The following SPATA17 variants were observed in gnomAD, a reference collection of about 807,000 sequenced individuals.
SPATA17 encodes the protein spermatogenesis associated 17, also known as spermatogenesis-associated protein 17.
SPATA17 carries 53 observed loss-of-function variants against 62.2 expected under a neutral mutation model. The observed-to-expected ratio is 0.85, with a 90% CI of 0.68 to 1.07. The LOEUF (loss-of-function observed/expected upper bound fraction) is 1.07. SPATA17 is among the 50% of genes least tolerant of loss of function. SPATA17 has a pLI of 0.00. For missense variants in SPATA17, 466 were observed against 425.5 expected (o/e 1.10, Z -0.84); for synonymous variants, 146 against 146.8 (o/e 0.99, Z 0.04).
rs1272282730 is a variant in SPATA17, at chr1:217,742,110, T to C, written c.519+12T>C. The C allele has an allele frequency of 4.9e-5, 79 of 1,613,534 alleles. No individual in the cohort carries two copies. The highest frequency in any genetic ancestry group is 6.4e-5 in the Non-Finnish European group (76 of 1,179,738). On this transcript the variant is annotated intron_variant, in intron 6 of 10. Coordinates refer to ENST00000366933, the MANE Select transcript of SPATA17 (RefSeq NM_138796.4). The stretch of plus-strand genomic sequence containing the variant: ...TCAGCACAAAGCAGGTTGGTTTACC[T>C]GTCCCTGACAGCTCCTGTAAGCCAC...
In SPATA17 at chr1:217,839,970, G is replaced by A. The variant is rs373235370; in HGVS notation, c.1006-22804G>A. On this transcript the variant is annotated intron_variant, in intron 9 of 10. Transcript: ENST00000366933. The stretch of plus-strand genomic sequence containing the variant: ...AGTTGCTCTGCAATAAACCTGAAGT[G>A]CAACTCGGAAAATCGTGTTTAAAGG... Among the ~76,000 whole-genome samples the A allele has an allele frequency of 2.0e-4, 31 of 151,718 alleles. No individual in the cohort carries two copies. In the East Asian group the frequency reaches 3.3e-3, roughly 16 times the overall value.
intron 5 of SPATA17, among the ~76,000 whole-genome samples, chr1:217,707,389 C>T (rs892614230): frequency 2.0e-5 from 3 of 152,056 alleles, no homozygotes; most frequent in Admixed American, 2.0e-4. Context: ...AGTTTGAGTT[C>T]CTCTCTTCCT....
At chr1:217,679,404 A>G (rs182952352) in intron 4 of SPATA17, among the ~76,000 whole-genome samples, 32 of 152,276 alleles carry the variant, frequency 2.1e-4, no homozygotes, top group African/African-American at 7.0e-4. Context: ...TGAGAATAAA[A>G]GCAGTTAGCA....
chr1:217,758,983 G>C (rs781666975), intron 6 of SPATA17, among the ~76,000 whole-genome samples: 2 of 152,164 alleles, frequency 1.3e-5, no homozygotes, highest in Non-Finnish European at 2.9e-5. Context: ...AAAGAACTAT[G>C]AGGCTATAAT....
At chr1:217,635,316 A>G (rs1192537338) in intron 1 of SPATA17, among the ~76,000 whole-genome samples, 1 of 152,228 alleles carries the variant, frequency 6.6e-6, no homozygotes, top group African/African-American at 2.4e-5. Flanking sequence ...TTGCTTTTAT[A>G]CATATGTATT....
intron 5 of SPATA17, among the ~76,000 whole-genome samples, chr1:217,736,910 T>A (rs1442963845): frequency 6.6e-6 from 1 of 152,184 alleles, no homozygotes; most frequent in Non-Finnish European, 1.5e-5. Flanking sequence ...CTGGTTATGA[T>A]CTTACGATCT....
intron 4 of SPATA17, among the ~76,000 whole-genome samples, chr1:217,672,687 C>T (rs1232243400): frequency 6.6e-6 from 1 of 151,964 alleles, no homozygotes; most frequent in Admixed American, 6.6e-5. Context: ...TATTAATATC[C>T]TGATTTGCTG....
At position 217,825,197 on chromosome 1, in the gene SPATA17, A is replaced by G. The variant is rs1220868443; in HGVS notation, c.1005+23347A>G. On this transcript the variant is annotated intron_variant, in intron 9 of 10. Transcript: ENST00000366933. ...AAAGAAATCATTTAAAAAATTCAGGATAGTGGCTGTCTCTAATTAAGAACA... is the reference window on the plus strand; with the variant it reads ...AAAGAAATCATTTAAAAAATTCAGGGTAGTGGCTGTCTCTAATTAAGAACA... 2.6e-5 allele frequency among the ~76,000 whole-genome samples: 4 copies of G among 151,812 alleles called. No homozygotes were observed. The East Asian group carries it at 5.8e-4, about 22-fold the overall frequency.
intron 3 of SPATA17, among the ~76,000 whole-genome samples, chr1:217,662,604 GT>G (rs1167704356): frequency 6.6e-6 from 1 of 152,036 alleles, no homozygotes; most frequent in Admixed American, 6.6e-5. Context: ...AACAATGAAA[GT>G]TTTATTAACT....
rs142511476 is a variant in SPATA17, at chr1:217,666,016, C to G, written c.241-3017C>G. Among the ~76,000 whole-genome samples the G allele has an allele frequency of 2.6e-5, 4 of 152,158 alleles. No homozygotes were observed. The South Asian group carries it at 8.3e-4, about 32-fold the overall frequency. On this transcript the variant is annotated intron_variant, in intron 3 of 10. Coordinates refer to ENST00000366933, the MANE Select transcript of SPATA17 (RefSeq NM_138796.4). ...CCTATCTTTTCTGTTCTTTTCCCCT[C>G]CCTCTTTTTCTTCATTTATTCAACA...
At chr1:217,757,112 A>G (rs1673063711) in intron 6 of SPATA17, among the ~76,000 whole-genome samples, 1 of 152,206 alleles carries the variant, frequency 6.6e-6, no homozygotes, top group Non-Finnish European at 1.5e-5. Flanking sequence ...CAAAAGTGAG[A>G]CATGATATTT....
At chr1:217,732,325 A>C (rs1672419858) in intron 5 of SPATA17, among the ~76,000 whole-genome samples, 2 of 152,194 alleles carry the variant, frequency 1.3e-5, no homozygotes, top group African/African-American at 4.8e-5. Context: ...GCTTTATGTT[A>C]GCCTCAAGAT....
intron 3 of SPATA17, among the ~76,000 whole-genome samples, chr1:217,665,113 G>C (rs1016272975): frequency 6.6e-6 from 1 of 152,138 alleles, no homozygotes; most frequent in Non-Finnish European, 1.5e-5. Context: ...ACCTGTAAGA[G>C]AGTAGTTCTC....
intron 1 of SPATA17, among the ~76,000 whole-genome samples, chr1:217,641,641 A>G (rs1670064252): frequency 6.6e-6 from 1 of 152,176 alleles, no homozygotes; most frequent in Non-Finnish European, 1.5e-5. Flanking sequence ...ATATATATTT[A>G]AGTTATTGAA....
At chr1:217,790,973 T>G (rs1033357871) in intron 8 of SPATA17, among the ~76,000 whole-genome samples, 4 of 152,352 alleles carry the variant, frequency 2.6e-5, no homozygotes, top group African/African-American at 9.6e-5. Context: ...TCAGACACTT[T>G]AGACCTTTAA....
At chr1:217,633,209 TAA>T (rs1449525017) in intron 1 of SPATA17, among the ~76,000 whole-genome samples, 1 of 148,468 alleles carries the variant, frequency 6.7e-6, no homozygotes, top group Admixed American at 6.7e-5. Context: ...AATAAATAAA[TAA>T]ATAAATAAAT....
chr1:217,633,777 C>T (rs570380635), intron 1 of SPATA17, among the ~76,000 whole-genome samples: 4 of 152,242 alleles, frequency 2.6e-5, no homozygotes, highest in African/African-American at 9.6e-5. Flanking sequence ...TAACAAGGTA[C>T]GGACAAAAAG....
At chr1:217,710,568 T>TA (rs1490307556) in intron 5 of SPATA17, among the ~76,000 whole-genome samples, 1 of 152,224 alleles carries the variant, frequency 6.6e-6, no homozygotes, top group Admixed American at 6.5e-5. Flanking sequence ...TTTTGTATAA[T>TA]ATAGTTTGGC....
intron 9 of SPATA17, among the ~76,000 whole-genome samples, chr1:217,828,118 A>T (rs1675044327): frequency 6.6e-6 from 1 of 152,172 alleles, no homozygotes; most frequent in East Asian, 1.9e-4. Flanking sequence ...AAACCTGAAT[A>T]TTCAAGGCAG....
Sources: gnomAD v4.1 joint callset for allele counts (sites outside exome capture counted in the v4.1 genomes callset) on GRCh38, gnomAD v4.1.1 for gene constraint, MANE v1.5 for transcripts, NCBI Gene and HGNC (gene_info 2026-07-23, HGNC 2026-07-21) for gene names.